The following SLC9C2 variants were observed in gnomAD, a reference collection of about 807,000 sequenced individuals.
The protein encoded by SLC9C2 is sodium/hydrogen exchanger 11.
SLC9C2 carries 75 observed loss-of-function variants against 140.2 expected under a neutral mutation model. The ratio of observed to expected loss-of-function variants is 0.53; its 90% CI spans 0.44 to 0.65. The LOEUF (loss-of-function observed/expected upper bound fraction) is 0.65, where lower values mean the gene tolerates loss of function less well. Ranked by LOEUF, SLC9C2 falls within the 30% of genes least tolerant of loss-of-function variation. The pLI, the probability that SLC9C2 is intolerant of heterozygous loss-of-function variation, is 0.00. For synonymous variants in SLC9C2, 375 were observed against 420.9 expected, an observed-to-expected ratio of 0.89 and a Z score of 1.34; for missense variants, 1,074 against 1,331.8, an observed-to-expected ratio of 0.81 and a Z score of 3.01.
chr1:173,558,258 A>G (rs1216224878), intron 9 of SLC9C2, among the ~76,000 whole-genome samples: 1 of 152,190 alleles, frequency 6.6e-6, no homozygotes, highest in Non-Finnish European at 1.5e-5. Context: ...GAAAATCTAC[A>G]ATTACCACCT....
At chr1:173,513,146 AG>A (rs1660167005) in intron 23 of SLC9C2, among the ~76,000 whole-genome samples, 1 of 152,008 alleles carries the variant, frequency 6.6e-6, no homozygotes, top group Non-Finnish European at 1.5e-5. Flanking sequence ...TGCCTCTGCC[AG>A]GTTTTGGTAT....
chr1:173,563,056 G>A (rs1033773659), intron 9 of SLC9C2, among the ~76,000 whole-genome samples: 2 of 151,926 alleles, frequency 1.3e-5, no homozygotes, highest in Non-Finnish European at 2.9e-5. Context: ...CCCTAAGCAA[G>A]GATCGTTTGT....
At chr1:173,574,929 G>A (rs1665077167) in intron 8 of SLC9C2, among the ~76,000 whole-genome samples, 1 of 151,982 alleles carries the variant, frequency 6.6e-6, no homozygotes, top group South Asian at 2.1e-4. Flanking sequence ...GACCAGACTG[G>A]GAAACACGGT....
chr1:173,561,187 A>G (rs770939251), intron 9 of SLC9C2, among the ~76,000 whole-genome samples: 1 of 152,228 alleles, frequency 6.6e-6, no homozygotes, highest in Non-Finnish European at 1.5e-5. Context: ...CAACTAGAAT[A>G]TAAACTTCTT....
intron 14 of SLC9C2, 81 bp downstream of exon 14, chr1:173,536,861 C>T (rs935419312): frequency 2.1e-6 from 2 of 967,990 alleles, no homozygotes; most frequent in Non-Finnish European, 1.6e-6. Context: ...TCAATCAGGA[C>T]ATTTAATTCT....
intron 8 of SLC9C2, among the ~76,000 whole-genome samples, chr1:173,573,721 C>T (rs1205523777): frequency 6.6e-6 from 1 of 152,214 alleles, no homozygotes. Flanking sequence ...TTTGCAATAG[C>T]TAATACGATC....
intron 25 of SLC9C2, among the ~76,000 whole-genome samples, chr1:173,506,568 T>C (rs968960881): frequency 6.6e-6 from 1 of 152,220 alleles, no homozygotes; most frequent in Non-Finnish European, 1.5e-5. Context: ...AGGGAAAACT[T>C]ACAGCATCTC....
At chr1:173,592,407 C>A (rs778173268) in intron 4 of SLC9C2, among the ~76,000 whole-genome samples, 1 of 152,104 alleles carries the variant, frequency 6.6e-6, no homozygotes, top group Non-Finnish European at 1.5e-5. Context: ...AGAACATCTT[C>A]GGCAGTTTGA....
chr1:173,554,794 T>C lies in SLC9C2; in HGVS notation c.1236A>G (p.Val412=). The part of the protein sequence containing the change: ...VPQMFILYVQ[V]ISLLTMGINS... Reference sequence around the variant, plus strand: ...TTATTCCCATTGTCAATAATGATATTACTTGTACATAGAGTATAAACTAAA... The same window carrying C: ...TTATTCCCATTGTCAATAATGATATCACTTGTACATAGAGTATAAACTAAA... Residue 412 remains valine, a synonymous_variant, in exon 11 of 28, where the codon GTA becomes GTG. Coordinates refer to ENST00000367714, the MANE Select transcript of SLC9C2 (RefSeq NM_178527.4). The C allele has an allele frequency of 6.3e-7, 1 of 1,599,928 alleles. No individual in the cohort carries two copies. Among genetic ancestry groups the C allele is most frequent in the Non-Finnish European group, 8.6e-7 (1 of 1,167,464 alleles).
At chr1:173,522,642 G>C (rs149838321) in intron 21 of SLC9C2, among the ~76,000 whole-genome samples, 32 of 152,340 alleles carry the variant, frequency 2.1e-4, no homozygotes, top group African/African-American at 7.2e-4. Context: ...CAGTCATAAA[G>C]TCTAATTTTT....
At chr1:173,502,031 T>C (rs1031528440) in intron 27 of SLC9C2, among the ~76,000 whole-genome samples, 2 of 151,998 alleles carry the variant, frequency 1.3e-5, no homozygotes, top group African/African-American at 4.8e-5. Flanking sequence ...CCCAGCACTT[T>C]GGGAGGCCAA....
intron 9 of SLC9C2, 91 bp downstream of exon 9, chr1:173,573,091 G>A (rs776720193): frequency 2.3e-6 from 2 of 879,386 alleles, no homozygotes; most frequent in Non-Finnish European, 3.3e-6. Context: ...CATGTCCAGA[G>A]CCCTTTTTGC....
intron 4 of SLC9C2, among the ~76,000 whole-genome samples, chr1:173,591,626 G>A (rs1666168094): frequency 6.6e-6 from 1 of 152,102 alleles, no homozygotes; most frequent in Non-Finnish European, 1.5e-5. Context: ...TCTATTATCA[G>A]TGATGTTGAG....
chr1:173,601,879 T>G, intron 1 of SLC9C2, 24 bp from the exon 2 acceptor site: 1 of 1,399,808 alleles, frequency 7.1e-7, no homozygotes, highest in Non-Finnish European at 9.7e-7. Context: ...AAAAAGAACA[T>G]GAGACCTACC....
At chr1:173,511,060 G>A (rs1367405416) in intron 23 of SLC9C2, among the ~76,000 whole-genome samples, 2 of 93,508 alleles carry the variant, frequency 2.1e-5, no homozygotes, top group Non-Finnish European at 3.6e-5. Flanking sequence ...TTTTGAGACA[G>A]AGTCTCACTC....
intron 7 of SLC9C2, 51 bp from the exon 8 acceptor site, chr1:173,576,811 C>T: frequency 9.8e-7 from 1 of 1,017,712 alleles, no homozygotes; most frequent in Non-Finnish European, 1.5e-6. Flanking sequence ...TTCATATCTG[C>T]ACACTGAGAC....
chr1:173,563,501 A>G (rs183343116), intron 9 of SLC9C2, among the ~76,000 whole-genome samples: 1 of 152,306 alleles, frequency 6.6e-6, no homozygotes, highest in East Asian at 1.9e-4. Flanking sequence ...TTTAAATGAT[A>G]AAACAATACA....
intron 4 of SLC9C2, among the ~76,000 whole-genome samples, chr1:173,588,767 G>A (rs926824804): frequency 6.6e-6 from 1 of 152,054 alleles, no homozygotes; most frequent in African/African-American, 2.4e-5. Flanking sequence ...GATTAAACAA[G>A]GCTTATAAAA....
intron 9 of SLC9C2, among the ~76,000 whole-genome samples, chr1:173,564,466 C>T (rs1664318172): frequency 6.6e-6 from 1 of 152,132 alleles, no homozygotes; most frequent in South Asian, 2.1e-4. Context: ...ACGTTGGGCA[C>T]ATTTTCATAT....
Sources: gnomAD v4.1 joint callset for allele counts (sites outside exome capture counted in the v4.1 genomes callset) on GRCh38, gnomAD v4.1.1 for gene constraint, MANE v1.5 for transcripts, NCBI Gene and HGNC (gene_info 2026-07-23, HGNC 2026-07-21) for gene names.